Variants in GSDME observed in about 807,000 individuals in gnomAD.
The protein encoded by GSDME is gasdermin E.
GSDME carries 44 observed loss-of-function variants against 47.5 expected under a neutral mutation model. That is an observed-to-expected ratio of 0.93 (90% CI 0.73 to 1.19). GSDME has a LOEUF of 1.19. Among genes scored for constraint, GSDME ranks in the 50% most tolerant of loss-of-function variants. The pLI is 0.00. For missense variants in GSDME, 663 were observed against 604.2 expected, an observed-to-expected ratio of 1.10 and a Z score of -1.02; for synonymous variants, 258 against 252.8, an observed-to-expected ratio of 1.02 and a Z score of -0.20.
chr7:24,706,302 G>T lies in GSDME; in HGVS notation c.1065C>A (p.Asp355Glu). ...LGELKPRQQQ[D>E]LVAFLQLVGC... ...CCACCAGCTGCAGGAAGGCCACAAG[G>T]TCCTGCTGCTGCCGGGGCTTCAGCT... is the stretch of plus-strand genomic sequence containing the variant. The change falls in exon 8 of 10, where the codon GAC becomes GAA. Residue 355 changes from aspartate (D) to glutamate (E), a missense_variant. Physicochemically the swap from Asp to Glu is conservative, Grantham distance 45. Transcript: ENST00000645220. 3.1e-6 allele frequency: 5 copies of T among 1,614,042 alleles called. No homozygotes were observed. Among genetic ancestry groups the T allele is most frequent in the Non-Finnish European group, 4.2e-6 (5 of 1,180,018 alleles).
rs544411429 is a variant in GSDME at position 24,710,292 on chromosome 7, A to T, written c.794T>A (p.Phe265Tyr). The T allele has an allele frequency of 1.2e-6, 2 of 1,614,240 alleles. No homozygotes were observed. Among genetic ancestry groups the T allele is most frequent in the Admixed American group, 1.7e-5 (1 of 60,030 alleles). The change falls in exon 6 of 10, where the codon TTC becomes TAC. Residue 265 changes from phenylalanine (F) to tyrosine (Y), a missense_variant. Transcript: ENST00000645220. ...LDPLVFREFAFIDMPDAAHGI... is the reference protein window; with the variant it reads ...LDPLVFREFAYIDMPDAAHGI... The stretch of plus-strand genomic sequence containing the variant: ...ATGCGCAGCATCTGGCATGTCTATG[A>T]ATGCAAACTCTCGAAAGACCAGGGG...
At chr7:24,748,001 G>T (rs1773721763) in intron 2 of GSDME, among the ~76,000 whole-genome samples, 1 of 151,734 alleles carries the variant, frequency 6.6e-6, no homozygotes, top group Non-Finnish European at 1.5e-5. Flanking sequence ...AATTGTAGTG[G>T]TTAAGCAAAT....
the GSDME span, among the ~76,000 whole-genome samples, chr7:24,787,471 C>T: frequency 6.6e-6 from 1 of 152,274 alleles, no homozygotes; most frequent in African/African-American, 2.4e-5. The surrounding 1 kb of genome is among the most constrained non-coding windows in gnomAD (Gnocchi z 5.0). Flanking sequence ...GAACTACCTG[C>T]CGGGACTTGG....
At chr7:24,787,276 A>G in the GSDME span, among the ~76,000 whole-genome samples, 1 of 152,238 alleles carries the variant, frequency 6.6e-6, no homozygotes, top group Admixed American at 6.5e-5. This position sits in a 1 kb window ranked among gnomAD's most constrained non-coding sequence, Gnocchi z 5.0. Flanking sequence ...AGGAGGGAAC[A>G]TGGCCCCTAC....
chr7:24,740,988 A>G (rs955990665), intron 3 of GSDME, among the ~76,000 whole-genome samples: 1 of 152,194 alleles, frequency 6.6e-6, no homozygotes, highest in African/African-American at 2.4e-5. Flanking sequence ...AACTCAGGGG[A>G]GGGAGCTGAC....
chr7:24,716,911 G>A lies in GSDME; in HGVS notation c.697+343C>T. The A allele has an allele frequency of 2.7e-6, 1 of 368,440 alleles. No individual in the cohort carries two copies. The highest frequency in any genetic ancestry group is 6.8e-5 in the East Asian group (1 of 14,814). 22.8% of individuals were successfully genotyped at this position (368,440 alleles called of 1,614,324 possible). On this transcript the variant is annotated intron_variant, in intron 5 of 9. Transcript: ENST00000645220. This position sits in a 1 kb window ranked among gnomAD's most constrained non-coding sequence, Gnocchi z 4.5. ...TCAGCAACTTGCCTGAGACCTCATA[G>A]GACATCATGGCACCGGGGTTGATGC...
intron 7 of GSDME, 171 bp downstream of exon 7, chr7:24,707,956 G>T: frequency 1.3e-6 from 1 of 742,422 alleles, no homozygotes; most frequent in South Asian, 1.9e-5. Flanking sequence ...CCCTCCACCC[G>T]ATGCCAGCTA....
At chr7:24,752,252 A>C (rs1790882554) in intron 1 of GSDME, among the ~76,000 whole-genome samples, 1 of 152,168 alleles carries the variant, frequency 6.6e-6, no homozygotes, top group Non-Finnish European at 1.5e-5. Flanking sequence ...AGACTGGTCA[A>C]GCTCTGAGCT....
intron 5 of GSDME, among the ~76,000 whole-genome samples, chr7:24,713,018 C>T (rs997890058): frequency 1.8e-5 from 2 of 108,408 alleles, no homozygotes; most frequent in Non-Finnish European, 4.0e-5. Context: ...AACTCAGTCT[C>T]AAAAAAAAAA....
At chr7:24,790,932 C>T in the GSDME span, among the ~76,000 whole-genome samples, 1 of 152,192 alleles carries the variant, frequency 6.6e-6, no homozygotes, top group Admixed American at 6.5e-5. The surrounding 1 kb of genome is among the most constrained non-coding windows in gnomAD (Gnocchi z 4.1). Context: ...GTTTAAGTCC[C>T]TACCATACAA....
chr7:24,698,799 C>T lies in GSDME; in HGVS notation c.*227G>A. 1 of 568,306 alleles carries T rather than the reference C, an allele frequency of 1.8e-6. No individual in the cohort carries two copies. The highest frequency in any genetic ancestry group is 3.2e-6 in the Non-Finnish European group (1 of 316,020). The allele number at this position is 568,306 out of a possible 1,614,324, so 35.2% of individuals were successfully genotyped here. On this transcript the variant is annotated 3_prime_UTR_variant, in exon 10 of 10. Transcript: ENST00000645220. ...CTCCCAGCTCTTTACATGCTGGAACCTAACTCAGATGCTGGGTCACCAGCA... is the reference window on the plus strand; with the variant it reads ...CTCCCAGCTCTTTACATGCTGGAACTTAACTCAGATGCTGGGTCACCAGCA...
chr7:24,726,374 T>C lies in GSDME; in HGVS notation c.405-7156A>G, dbSNP rs1474863973. Among the ~76,000 whole-genome samples, 1 of 152,148 alleles carries C rather than the reference T, an allele frequency of 6.6e-6. No individual in the cohort carries two copies. The highest frequency in any genetic ancestry group is 1.5e-5 in the Non-Finnish European group (1 of 68,030). ...TGCAGAGACACAGGAGGGCGAGCTT[T>C]GTCATGCAGACCCCACACTTCAACT... On this transcript the variant is annotated intron_variant, in intron 3 of 9. Coordinates refer to ENST00000645220, the MANE Select transcript of GSDME (RefSeq NM_001127453.2). This position sits in a 1 kb window ranked among gnomAD's most constrained non-coding sequence, Gnocchi z 5.6.
At chr7:24,787,002 G>A in the GSDME span, among the ~76,000 whole-genome samples, 2 of 152,066 alleles carry the variant, frequency 1.3e-5, no homozygotes, top group Non-Finnish European at 2.9e-5. This position sits in a 1 kb window ranked among gnomAD's most constrained non-coding sequence, Gnocchi z 5.0. Context: ...GCGATCTGTG[G>A]CACTGGAAAG....
the GSDME span, among the ~76,000 whole-genome samples, chr7:24,769,234 T>C: frequency 6.6e-6 from 1 of 152,160 alleles, no homozygotes; most frequent in South Asian, 2.1e-4. Flanking sequence ...GAACCATTGC[T>C]TGCATGGGAA....
At position 24,749,711 on chromosome 7, in the gene GSDME, C is replaced by A. The variant is rs772979763; in HGVS notation, c.64G>T (p.Val22Leu). The change falls in exon 2 of 10, where the codon GTA (valine) becomes TTA (leucine). Residue 22 changes from valine to leucine, a missense_variant. By Grantham distance (32) the Val-to-Leu change is conservative. Coordinates refer to ENST00000645220, the MANE Select transcript of GSDME (RefSeq NM_001127453.2). ...EVDADGDLIA[V>L]SNLNDSDKLQ... ...TTATCAGAGTCATTCAGATTTGATA[C>A]TGCAATCAGGTCACCATCAGCATCA... The A allele has an allele frequency of 4.3e-6, 7 of 1,614,090 alleles. No homozygotes were observed. Among genetic ancestry groups the A allele is most frequent in the Non-Finnish European group, 4.2e-6 (5 of 1,179,982 alleles).
intron 3 of GSDME, among the ~76,000 whole-genome samples, chr7:24,719,987 C>T (rs965002498): frequency 1.3e-5 from 2 of 152,034 alleles, no homozygotes; most frequent in African/African-American, 4.8e-5. Flanking sequence ...AGGAATAGGC[C>T]TAAAGTATGA....
intron 7 of GSDME, chr7:24,707,331 G>C (rs921603077): frequency 8.5e-6 from 4 of 471,362 alleles, no homozygotes; most frequent in Admixed American, 2.3e-5. Context: ...GGAGGACACA[G>C]AATCTGGGTG....
rs1789050600 is a variant in GSDME at position 24,705,330 on chromosome 7, A to G, written c.1183+854T>C. The G allele has an allele frequency of 6.6e-6, 1 of 152,362 alleles. No individual in the cohort carries two copies. Among genetic ancestry groups the G allele is most frequent in the Non-Finnish European group, 1.5e-5 (1 of 68,166 alleles). The allele number at this position is 152,362 out of a possible 1,614,324, so 9.4% of individuals were successfully genotyped here. A position where few individuals can be genotyped will look rare whatever the true frequency, so the allele number is the denominator to read the frequency against. On this transcript the variant is annotated intron_variant, in intron 8 of 9. Transcript: ENST00000645220. This position sits in a 1 kb window ranked among gnomAD's most constrained non-coding sequence, Gnocchi z 4.1. ...TCCATGAGTTGGAACAAGACAGAGCATATATTTATCAGCACATAGAGTTGG... is the reference window on the plus strand; with the variant it reads ...TCCATGAGTTGGAACAAGACAGAGCGTATATTTATCAGCACATAGAGTTGG...
At chr7:24,770,330 A>G in the GSDME span, among the ~76,000 whole-genome samples, 1 of 152,192 alleles carries the variant, frequency 6.6e-6, no homozygotes, top group African/African-American at 2.4e-5. This position sits in a 1 kb window ranked among gnomAD's most constrained non-coding sequence, Gnocchi z 4.6. Context: ...ATCTTGCCCT[A>G]TGCATCTCTT....
Sources: allele counts gnomAD v4.1 joint callset (sites outside exome capture counted in the v4.1 genomes callset), GRCh38; gene constraint gnomAD v4.1.1; non-coding constraint Gnocchi (gnomAD v3.1); transcripts MANE v1.5; gene names NCBI Gene and HGNC (gene_info 2026-07-23, HGNC 2026-07-21).